Variants in MRFAP1 observed in about 807,000 individuals in gnomAD.
The protein encoded by MRFAP1 is MORF4 family-associated protein 1.
Under a neutral mutation model 9.3 loss-of-function variants are expected in MRFAP1, and 1 was observed. That is an observed-to-expected ratio of 0.11 (90% CI 0.04 to 0.51). MRFAP1 has a LOEUF of 0.51. Among genes scored for constraint, MRFAP1 ranks in the 20% least tolerant of loss-of-function variants. The pLI is 0.94. For missense variants in MRFAP1, 180 were observed against 178.6 expected, an observed-to-expected ratio of 1.01 and a Z score of -0.04; for synonymous variants, 101 against 80.3, an observed-to-expected ratio of 1.26 and a Z score of -1.38.
Position 6,641,031 on chromosome 4 carries a change from C to T in MRFAP1, c.169C>T (p.Leu57=), listed in dbSNP as rs760271632. The stretch of plus-strand genomic sequence containing the variant: ...GGCGTACCTGCGGAACCGGAGCAAG[C>T]TGTGGGAGATGGACAATATGCTCAT... ...GRAYLRNRSK[L]WEMDNMLIQI... Residue 57 remains leucine, a synonymous_variant, in exon 1 of 2, where the codon CTG becomes TTG. Transcript: ENST00000382581. 1.2e-6 allele frequency: 2 copies of T among 1,614,230 alleles called. No individual in the cohort carries two copies. Among genetic ancestry groups the T allele is most frequent in the South Asian group, 1.1e-5 (1 of 91,086 alleles).
chr4:6,640,798 T>G lies in MRFAP1; in HGVS notation c.-65T>G, dbSNP rs2108772188. ...TATTCGGGCTCTCTATTGCTAAGCATAGCGAGTGTCGGTTTTCTCTCTCCA... is the reference window on the plus strand; with the variant it reads ...TATTCGGGCTCTCTATTGCTAAGCAGAGCGAGTGTCGGTTTTCTCTCTCCA... On this transcript the variant is annotated 5_prime_UTR_variant, in exon 1 of 2. Coordinates refer to ENST00000382581, the MANE Select transcript of MRFAP1 (RefSeq NM_033296.3). 1.9e-5 allele frequency: 29 copies of G among 1,541,460 alleles called. No homozygotes were observed. The South Asian group carries it at 3.3e-4, about 18-fold the overall frequency.
intron 1 of MRFAP1, 83 bp downstream of exon 1, chr4:6,641,341 G>A (rs1712817467): frequency 4.1e-6 from 6 of 1,480,688 alleles, no homozygotes; most frequent in South Asian, 4.0e-5. Flanking sequence ...GAGATGCACC[G>A]GAATCGGGGG....
rs1454646750 is a variant in MRFAP1 at position 6,642,245 on chromosome 4, C to T, written c.*528C>T. The T allele has an allele frequency of 6.6e-6, 1 of 152,664 alleles. No homozygotes were observed. Among genetic ancestry groups the T allele is most frequent in the African/African-American group, 2.4e-5 (1 of 41,448 alleles). 9.5% of individuals were successfully genotyped at this position (152,664 alleles called of 1,614,324 possible). On this transcript the variant is annotated 3_prime_UTR_variant, in exon 2 of 2. Transcript: ENST00000382581. The stretch of plus-strand genomic sequence containing the variant: ...GCCGACCTGGCTGGGACTCGTGAAT[C>T]TGGAGAAGAGCTGGAGAATGGATAG...
rs1712864691 is a variant in MRFAP1 at position 6,642,177 on chromosome 4, A to T, written c.*460A>T. ...TTCTGGAAGACGACTCCATGCAGCA[A>T]CTACTGAAGAAAGGACCAGACTTCA... On this transcript the variant is annotated 3_prime_UTR_variant, in exon 2 of 2. Coordinates refer to ENST00000382581, the MANE Select transcript of MRFAP1 (RefSeq NM_033296.3). 6.5e-6 allele frequency: 1 copy of T among 152,680 alleles called. No individual in the cohort carries two copies. The highest frequency in any genetic ancestry group is 1.5e-5 in the Non-Finnish European group (1 of 68,040). The allele number at this position is 152,680 out of a possible 1,614,324, so 9.5% of individuals were successfully genotyped here. A position where few individuals can be genotyped will look rare whatever the true frequency, so the allele number is the denominator to read the frequency against.
chr4:6,640,697 G>A lies in MRFAP1; in HGVS notation c.-166G>A. The A allele has an allele frequency of 2.3e-6, 2 of 884,832 alleles. No homozygotes were observed. Among genetic ancestry groups the A allele is most frequent in the South Asian group, 1.8e-5 (1 of 57,058 alleles). 54.8% of individuals were successfully genotyped at this position (884,832 alleles called of 1,614,324 possible). A position where few individuals can be genotyped will look rare whatever the true frequency, so the allele number is the denominator to read the frequency against. On this transcript the variant is annotated 5_prime_UTR_variant, in exon 1 of 2. Coordinates refer to ENST00000382581, the MANE Select transcript of MRFAP1 (RefSeq NM_033296.3). Reference sequence around the variant, plus strand: ...CGGCCGGGACTCCATTTTGTTCGCCGTTACTCTGCGCGTAAGTCGCTTGTC... The same window carrying A: ...CGGCCGGGACTCCATTTTGTTCGCCATTACTCTGCGCGTAAGTCGCTTGTC...
intron 1 of MRFAP1, 166 bp from the exon 2 acceptor site, chr4:6,641,564 G>T: frequency 6.5e-6 from 2 of 308,502 alleles, no homozygotes; most frequent in South Asian, 1.1e-4. Flanking sequence ...GGAAATAGAG[G>T]ATTTTCGGGG....
intron 1 of MRFAP1, 129 bp downstream of exon 1, chr4:6,641,387 C>T: frequency 8.6e-7 from 1 of 1,160,654 alleles, no homozygotes. Flanking sequence ...CGGGTCAGGG[C>T]CGATCTGGGC....
In MRFAP1 at chr4:6,640,704, TGC is replaced by T; in HGVS notation, c.-155_-154del. 1 of 942,712 alleles carries T rather than the reference TGC, an allele frequency of 1.1e-6. No individual in the cohort carries two copies. Among genetic ancestry groups the T allele is most frequent in the Non-Finnish European group, 1.6e-6 (1 of 634,264 alleles). 58.4% of individuals were successfully genotyped at this position (942,712 alleles called of 1,614,324 possible). ...GACTCCATTTTGTTCGCCGTTACTC[TGC>T]GCGTAAGTCGCTTGTCCGTGGCTTC... On this transcript the variant is annotated 5_prime_UTR_variant, in exon 1 of 2. Transcript: ENST00000382581.
In MRFAP1 at chr4:6,640,696, C is replaced by A; in HGVS notation, c.-167C>A. ...ACGGCCGGGACTCCATTTTGTTCGC[C>A]GTTACTCTGCGCGTAAGTCGCTTGT... On this transcript the variant is annotated 5_prime_UTR_variant, in exon 1 of 2. Transcript: ENST00000382581. 1.2e-6 allele frequency: 1 copy of A among 865,244 alleles called. No individual in the cohort carries two copies. Among genetic ancestry groups the A allele is most frequent in the Non-Finnish European group, 1.8e-6 (1 of 568,924 alleles). 53.6% of individuals were successfully genotyped at this position (865,244 alleles called of 1,614,324 possible).
chr4:6,641,375 C>T, intron 1 of MRFAP1, 117 bp downstream of exon 1: 2 of 1,342,090 alleles, frequency 1.5e-6, no homozygotes, highest in Non-Finnish European at 2.0e-6. Flanking sequence ...TAAAGGCGTG[C>T]TCGGGTCAGG....
Position 6,640,728 on chromosome 4 carries a change from C to A in MRFAP1, c.-135C>A. 8.3e-7 allele frequency: 1 copy of A among 1,204,566 alleles called. No homozygotes were observed. Among genetic ancestry groups the A allele is most frequent in the Non-Finnish European group, 1.2e-6 (1 of 862,892 alleles). 74.6% of individuals were successfully genotyped at this position (1,204,566 alleles called of 1,614,324 possible). On this transcript the variant is annotated 5_prime_UTR_variant, in exon 1 of 2. Transcript: ENST00000382581. ...CTGCGCGTAAGTCGCTTGTCCGTGG[C>A]TTCTCTGAGAAGAAAAGTTGAAAAA...
In MRFAP1 at chr4:6,641,185, C is replaced by G. The variant is rs969078262; in HGVS notation, c.323C>G (p.Ala108Gly). ...GCCGAGGAGAAGGCCAAGGAGATTG[C>G]GAAGATGGCAGAGATGCTGGTGGAG... is the stretch of plus-strand genomic sequence containing the variant. ...EKAEEKAKEI[A>G]KMAEMLVELV... The change falls in exon 1 of 2, where the codon GCG becomes GGG. Residue 108 changes from alanine to glycine, a missense_variant. Coordinates refer to ENST00000382581, the MANE Select transcript of MRFAP1 (RefSeq NM_033296.3). 1.2e-6 allele frequency: 2 copies of G among 1,612,198 alleles called. No individual in the cohort carries two copies. The highest frequency in any genetic ancestry group is 2.2e-5 in the East Asian group (1 of 44,816).
chr4:6,641,276 G>C lies in MRFAP1; in HGVS notation c.*12+18G>C. On this transcript the variant is annotated intron_variant, in intron 1 of 1. Transcript: ENST00000382581. ...GGTCGGCGGTAAGTCGGGCACCCGC[G>C]CCAGGCCGAGGAGCGGCCCCAGCTT... 1 of 1,537,126 alleles carries C rather than the reference G, an allele frequency of 6.5e-7. No homozygotes were observed. Among genetic ancestry groups the C allele is most frequent in the Non-Finnish European group, 8.8e-7 (1 of 1,139,530 alleles).
chr4:6,642,312 A>G lies in MRFAP1; in HGVS notation c.*595A>G, dbSNP rs956007500. 6.5e-6 allele frequency: 1 copy of G among 152,684 alleles called. No individual in the cohort carries two copies. Among genetic ancestry groups the G allele is most frequent in the Non-Finnish European group, 1.5e-5 (1 of 68,046 alleles). 9.5% of individuals were successfully genotyped at this position (152,684 alleles called of 1,614,324 possible). A position where few individuals can be genotyped will look rare whatever the true frequency, so the allele number is the denominator to read the frequency against. On this transcript the variant is annotated 3_prime_UTR_variant, in exon 2 of 2. Coordinates refer to ENST00000382581, the MANE Select transcript of MRFAP1 (RefSeq NM_033296.3). ...AGACTTTAATTTCTGTGTGAGACCA[A>G]AGGAGGAGAGATGTGTTTTGTTCAA... is the stretch of plus-strand genomic sequence containing the variant.
rs566372559 is a variant in MRFAP1 at position 6,640,717 on chromosome 4, C to T, written c.-146C>T. 1.6e-5 allele frequency: 17 copies of T among 1,087,122 alleles called. No homozygotes were observed. The African/African-American group carries it at 2.2e-4, about 14-fold the overall frequency. The allele number at this position is 1,087,122 out of a possible 1,614,324, so 67.3% of individuals were successfully genotyped here. On this transcript the variant is annotated 5_prime_UTR_variant, in exon 1 of 2. Transcript: ENST00000382581. ...TCGCCGTTACTCTGCGCGTAAGTCG[C>T]TTGTCCGTGGCTTCTCTGAGAAGAA...
Position 6,641,238 on chromosome 4 carries a change from T to G in MRFAP1, c.376T>G (p.Ser126Ala). Reference sequence around the variant, plus strand: ...GGTCCGGCGGATAGAGAAGAGCGAGTCGTCGTGAGCGCGGTCGGCGGTAAG... The same window carrying G: ...GGTCCGGCGGATAGAGAAGAGCGAGGCGTCGTGAGCGCGGTCGGCGGTAAG... ...ELVRRIEKSESS is the reference protein window; with the variant it reads ...ELVRRIEKSEAS Residue 126 changes from serine to alanine, a missense_variant, in exon 1 of 2, where the codon TCG becomes GCG. Physicochemically the swap from Ser to Ala is moderately conservative, Grantham distance 99 (BLOSUM62 1). Transcript: ENST00000382581. The G allele has an allele frequency of 1.3e-6, 2 of 1,572,360 alleles. No homozygotes were observed. Among genetic ancestry groups the G allele is most frequent in the Non-Finnish European group, 1.7e-6 (2 of 1,154,238 alleles).
chr4:6,641,718 A>G lies in MRFAP1; in HGVS notation c.*13-12A>G, dbSNP rs1287185972. 1.3e-5 allele frequency: 2 copies of G among 154,960 alleles called. No individual in the cohort carries two copies. The highest frequency in any genetic ancestry group is 4.8e-5 in the African/African-American group (2 of 41,432). 9.6% of individuals were successfully genotyped at this position (154,960 alleles called of 1,614,324 possible). On this transcript the variant is annotated splice_polypyrimidine_tract_variant and intron_variant, in intron 1 of 1. Coordinates refer to ENST00000382581, the MANE Select transcript of MRFAP1 (RefSeq NM_033296.3). ...ACCTCTCGATGATGAATTTCTTCCC[A>G]TTGTGCTTTAGGTTTCCAGCCAATG... is the stretch of plus-strand genomic sequence containing the variant.
Position 6,640,962 on chromosome 4 carries a change from G to C in MRFAP1, c.100G>C (p.Glu34Gln). 1 of 1,614,226 alleles carries C rather than the reference G, an allele frequency of 6.2e-7. No homozygotes were observed. The highest frequency in any genetic ancestry group is 1.1e-5 in the South Asian group (1 of 91,086). Residue 34 changes from glutamate to glutamine, a missense_variant, in exon 1 of 2, where the codon GAG becomes CAG. Glu to Gln is a conservative substitution (Grantham distance 29). Coordinates refer to ENST00000382581, the MANE Select transcript of MRFAP1 (RefSeq NM_033296.3). ...GCAGTTTCTGCTCCCGGTCATCAAC[G>C]AGATGCGCGAGGACATCGCGTCGCT... is the stretch of plus-strand genomic sequence containing the variant. The part of the protein sequence containing the change: ...FEQFLLPVIN[E>Q]MREDIASLTR...
At position 6,640,712 on chromosome 4, in the gene MRFAP1, A is replaced by G. The variant is rs771942246; in HGVS notation, c.-151A>G. The G allele has an allele frequency of 5.4e-4, 550 of 1,010,344 alleles. 1 individual carries two copies. Among genetic ancestry groups the G allele is most frequent in the Non-Finnish European group, 7.3e-4 (505 of 692,318 alleles). The allele number at this position is 1,010,344 out of a possible 1,614,324, so 62.6% of individuals were successfully genotyped here. A position where few individuals can be genotyped will look rare whatever the true frequency, so the allele number is the denominator to read the frequency against. Reference sequence around the variant, plus strand: ...TTTGTTCGCCGTTACTCTGCGCGTAAGTCGCTTGTCCGTGGCTTCTCTGAG... The same window carrying G: ...TTTGTTCGCCGTTACTCTGCGCGTAGGTCGCTTGTCCGTGGCTTCTCTGAG... On this transcript the variant is annotated 5_prime_UTR_variant, in exon 1 of 2. Transcript: ENST00000382581.
Sources: gnomAD v4.1 joint callset for allele counts on GRCh38, gnomAD v4.1.1 for gene constraint, MANE v1.5 for transcripts, NCBI Gene and HGNC (gene_info 2026-07-23, HGNC 2026-07-21) for gene names.